Variants in JAM2 observed in about 807,000 individuals in gnomAD.
JAM2 encodes junctional adhesion molecule 2.
In JAM2, 17 loss-of-function variants were observed where a neutral mutation model predicts 42.0. The observed-to-expected ratio is 0.40, with a 90% CI of 0.28 to 0.61. The LOEUF (loss-of-function observed/expected upper bound fraction) is 0.61, where lower values mean the gene tolerates loss of function less well. Among genes scored for constraint, JAM2 ranks in the 20% least tolerant of loss-of-function variants. The pLI, the probability that JAM2 is intolerant of heterozygous loss-of-function variation, is 0.37. For synonymous variants in JAM2, 118 were observed against 128.6 expected (o/e 0.92, Z 0.56); for missense variants, 319 against 358.3 (o/e 0.89, Z 0.89).
At chr21:25,682,867 T>A (rs1342312432) in intron 1 of JAM2, among the ~76,000 whole-genome samples, 1 of 151,856 alleles carries the variant, frequency 6.6e-6, no homozygotes, top group Non-Finnish European at 1.5e-5. Context: ...CGAATACTTC[T>A]CTGACCACCC....
chr21:25,704,319 T>C (rs2034228312), intron 6 of JAM2, among the ~76,000 whole-genome samples: 1 of 152,146 alleles, frequency 6.6e-6, no homozygotes, highest in Non-Finnish European at 1.5e-5. Flanking sequence ...TAATTAATGT[T>C]TTCTACTCTG....
intron 6 of JAM2, among the ~76,000 whole-genome samples, chr21:25,702,517 T>C (rs2034188672): frequency 6.6e-6 from 1 of 152,246 alleles, no homozygotes; most frequent in Non-Finnish European, 1.5e-5. Flanking sequence ...TTTTAAATAA[T>C]CGTTTTTAAA....
At chr21:25,660,555 C>G (rs1345314467) in intron 1 of JAM2, among the ~76,000 whole-genome samples, 1 of 151,618 alleles carries the variant, frequency 6.6e-6, no homozygotes, top group African/African-American at 2.4e-5. Flanking sequence ...GCCAGACAGT[C>G]CTGCAAAATA....
chr21:25,639,657 G>C lies in JAM2; in HGVS notation c.-165G>C. 1 of 521,696 alleles carries C rather than the reference G, an allele frequency of 1.9e-6. No individual in the cohort carries two copies. Among genetic ancestry groups the C allele is most frequent in the Non-Finnish European group, 3.4e-6 (1 of 295,486 alleles). 32.3% of individuals were successfully genotyped at this position (521,696 alleles called of 1,614,324 possible). ...TGGCAGCCAGCTGAGAAGGCGCCCC[G>C]GGGAGGGGGAAACTGACATCCCATC... On this transcript the variant is annotated 5_prime_UTR_variant, in exon 1 of 10. Transcript: ENST00000480456.
chr21:25,672,026 C>T (rs183833429), intron 1 of JAM2, among the ~76,000 whole-genome samples: 29 of 152,170 alleles, frequency 1.9e-4, no homozygotes, highest in Non-Finnish European at 2.9e-4. Context: ...CAAACATCTA[C>T]GTAGCGTGGG....
chr21:25,717,085 T>G lies in JAM2; in HGVS notation c.*2413T>G, dbSNP rs1475172866. The G allele has an allele frequency of 2.0e-5, 3 of 152,368 alleles. No individual in the cohort carries two copies. In the East Asian group the frequency reaches 5.8e-4, roughly 29 times the overall value. 9.4% of individuals were successfully genotyped at this position (152,368 alleles called of 1,614,324 possible). On this transcript the variant is annotated 3_prime_UTR_variant, in exon 10 of 10. Coordinates refer to ENST00000480456, the MANE Select transcript of JAM2 (RefSeq NM_021219.4). ...ATGCAGTGCGAACATCTAATAACAC[T>G]CTCTGTGTCAAATATATATTGTACA...
At chr21:25,679,976 G>A (rs1349790496) in intron 1 of JAM2, among the ~76,000 whole-genome samples, 2 of 152,070 alleles carry the variant, frequency 1.3e-5, no homozygotes, top group Admixed American at 6.6e-5. Context: ...CTCTCTTTGT[G>A]CCTCAGTTTT....
At chr21:25,703,134 G>T (rs935014365) in intron 6 of JAM2, among the ~76,000 whole-genome samples, 8 of 152,184 alleles carry the variant, frequency 5.3e-5, no homozygotes, top group Non-Finnish European at 8.8e-5. Context: ...TTACAGGTGT[G>T]AGCCACCGTA....
chr21:25,714,395 T>C, intron 9 of JAM2: 1 of 448,420 alleles, frequency 2.2e-6, no homozygotes, highest in Non-Finnish European at 3.9e-6. Flanking sequence ...TTCCAGCTGC[T>C]TGGGAGACAG....
intron 8 of JAM2, 167 bp from the exon 9 acceptor site, chr21:25,712,173 C>G (rs751409604): frequency 9.2e-6 from 6 of 652,838 alleles, no homozygotes; most frequent in Non-Finnish European, 1.7e-5. Context: ...TGAATATTGT[C>G]TGTAAATATA....
At chr21:25,674,571 T>C (rs1316743476) in intron 1 of JAM2, among the ~76,000 whole-genome samples, 2 of 152,116 alleles carry the variant, frequency 1.3e-5, no homozygotes, top group Non-Finnish European at 2.9e-5. Flanking sequence ...CTTAAATTCC[T>C]AAGATGATCA....
chr21:25,694,845 A>AAT (rs978627603), intron 4 of JAM2, among the ~76,000 whole-genome samples: 5 of 148,566 alleles, frequency 3.4e-5, no homozygotes, highest in African/African-American at 1.2e-4. Flanking sequence ...CAAAAAAAAA[A>AAT]AAAATAAAAA....
intron 6 of JAM2, among the ~76,000 whole-genome samples, chr21:25,705,091 T>C (rs1169922102): frequency 6.6e-6 from 1 of 152,240 alleles, no homozygotes; most frequent in Non-Finnish European, 1.5e-5. Flanking sequence ...TCATTTTTCA[T>C]AAATGGGATG....
chr21:25,655,350 A>ATTT (rs751257378), intron 1 of JAM2, among the ~76,000 whole-genome samples: 8,489 of 100,050 alleles, frequency 0.085, 479 homozygotes, highest in South Asian at 0.21. Context: ...CTGAAATTCT[A>ATTT]TTTTTTTTTT....
chr21:25,680,498 G>A (rs1374080169), intron 1 of JAM2, among the ~76,000 whole-genome samples: 1 of 152,252 alleles, frequency 6.6e-6, no homozygotes, highest in Non-Finnish European at 1.5e-5. Context: ...TGGCCACATG[G>A]AATGTGATGC....
chr21:25,694,835 C>CA (rs778496287), intron 4 of JAM2, among the ~76,000 whole-genome samples: 22,794 of 129,790 alleles, frequency 0.18, 1,936 homozygotes, highest in East Asian at 0.36. Flanking sequence ...AGGACTTTCT[C>CA]AAAAAAAAAA....
intron 5 of JAM2, among the ~76,000 whole-genome samples, chr21:25,699,585 T>C (rs929929235): frequency 2.6e-5 from 4 of 151,632 alleles, no homozygotes; most frequent in African/African-American, 7.2e-5. Context: ...TAGCCGGGCG[T>C]GGTGGCGGGC....
intron 3 of JAM2, among the ~76,000 whole-genome samples, 179 bp from the exon 4 acceptor site, chr21:25,693,577 G>A (rs1221056169): frequency 6.6e-6 from 1 of 152,092 alleles, no homozygotes; most frequent in Non-Finnish European, 1.5e-5. Context: ...TTTAAAAACT[G>A]TCCTTTCCAA....
intron 1 of JAM2, among the ~76,000 whole-genome samples, chr21:25,660,441 G>A (rs1453085145): frequency 6.6e-6 from 1 of 152,002 alleles, no homozygotes; most frequent in African/African-American, 2.4e-5. Context: ...CTTCCCCCAG[G>A]GGGTACTGTG....
Sources: allele counts gnomAD v4.1 joint callset (sites outside exome capture counted in the v4.1 genomes callset), GRCh38; gene constraint gnomAD v4.1.1; transcripts MANE v1.5; gene names NCBI Gene and HGNC (gene_info 2026-07-23, HGNC 2026-07-21).